PRDX3: variants seen among roughly 807,000 people sequenced by gnomAD.
The protein encoded by PRDX3 is peroxiredoxin 3, also known as thioredoxin-dependent peroxide reductase, mitochondrial.
Under a neutral mutation model 30.4 loss-of-function variants are expected in PRDX3, and 20 were observed. The ratio of observed to expected loss-of-function variants is 0.66; its 90% CI spans 0.46 to 0.96. The LOEUF is 0.96. PRDX3 is among the 40% of genes least tolerant of loss of function. The pLI, the probability that PRDX3 is intolerant of heterozygous loss-of-function variation, is 0.00. For synonymous variants in PRDX3, 124 were observed against 117.8 expected (o/e 1.05, Z -0.34); for missense variants, 322 against 318.3 (o/e 1.01, Z -0.09).
At chr10:119,177,283 A>G in intron 1 of PRDX3, 130 bp from the exon 2 acceptor site, 2 of 852,864 alleles carry the variant, frequency 2.3e-6, no homozygotes, top group Non-Finnish European at 3.7e-6. Flanking sequence ...AAACTCTAAG[A>G]GCATGGATTG....
rs1052669882 is a variant in PRDX3 at position 119,169,253 on chromosome 10, C to A, written c.641G>T (p.Arg214Leu). The change falls in exon 6 of 7, where the codon CGC becomes CTC. Residue 214 changes from arginine to leucine, a missense_variant. By Grantham distance (102) the Arg-to-Leu change is moderately radical (BLOSUM62 -2). Coordinates refer to ENST00000298510, the MANE Select transcript of PRDX3 (RefSeq NM_006793.5). ...PVGRSVEETL[R>L]LVKAFQYVET... ...TACATACTGGAACGCCTTCACCAAGCGGAGGGTTTCTTCCACGCTTCGGCC... is the reference window on the plus strand; with the variant it reads ...TACATACTGGAACGCCTTCACCAAGAGGAGGGTTTCTTCCACGCTTCGGCC... 2.5e-6 allele frequency: 4 copies of A among 1,613,778 alleles called. No homozygotes were observed. The highest frequency in any genetic ancestry group is 3.4e-6 in the Non-Finnish European group (4 of 1,180,004).
rs374024142 is a variant in PRDX3, at chr10:119,178,707, C to T, written c.36+48G>A. Reference sequence around the variant, plus strand: ...GGGTCCTGTCTGAGAAGCACGTTCCCGGAGCCACCAGTGTCTCCACGCCTG... The same window carrying T: ...GGGTCCTGTCTGAGAAGCACGTTCCTGGAGCCACCAGTGTCTCCACGCCTG... On this transcript the variant is annotated intron_variant, in intron 1 of 6. Transcript: ENST00000298510. The T allele has an allele frequency of 1.1e-3, 1,750 of 1,547,170 alleles. 4 individuals are homozygous for T. Among genetic ancestry groups the T allele is most frequent in the Non-Finnish European group, 1.4e-3 (1,582 of 1,143,744 alleles).
At chr10:119,169,952 G>A (rs1202122720) in intron 5 of PRDX3, 1 of 152,324 alleles carries the variant, frequency 6.6e-6, no homozygotes, top group Non-Finnish European at 1.5e-5. Context: ...TGGTGTTACT[G>A]TGACAGATGC....
rs1847968319 is a variant in PRDX3 at position 119,173,866 on chromosome 10, A to G, written c.318T>C (p.Phe106=). The G allele has an allele frequency of 6.2e-7, 1 of 1,602,690 alleles. No homozygotes were observed. The highest frequency in any genetic ancestry group is 1.1e-5 in the South Asian group (1 of 90,272). The change falls in exon 4 of 7, where the codon TTT becomes TTC. Residue 106 remains phenylalanine (F), a synonymous_variant. Coordinates refer to ENST00000298510, the MANE Select transcript of PRDX3 (RefSeq NM_006793.5). ...VLFFYPLDFT[F]VCPTEIVAFS... ...AAGCAACAATTTCTGTAGGACACAC[A>G]AAGGTGCTGGAAAAAAAGGATAGAA... is the stretch of plus-strand genomic sequence containing the variant.
chr10:119,177,782 G>T (rs1436858135), intron 1 of PRDX3, among the ~76,000 whole-genome samples: 3 of 150,760 alleles, frequency 2.0e-5, no homozygotes, highest in Non-Finnish European at 4.4e-5. Flanking sequence ...GTTTTCCTTA[G>T]AAAAACAAGG....
intron 3 of PRDX3, among the ~76,000 whole-genome samples, chr10:119,174,174 C>G (rs1302072856): frequency 6.6e-6 from 1 of 152,150 alleles, no homozygotes; most frequent in Non-Finnish European, 1.5e-5. Context: ...CATTTTTCCC[C>G]AGACCAGTGA....
intron 5 of PRDX3, 68 bp from the exon 6 acceptor site, chr10:119,169,410 T>G: frequency 1.6e-6 from 2 of 1,288,424 alleles, no homozygotes; most frequent in Non-Finnish European, 1.1e-6. Flanking sequence ...ACTTCTTCCC[T>G]TTTAGGTCTT....
intron 5 of PRDX3, among the ~76,000 whole-genome samples, chr10:119,171,932 C>G (rs979479573): frequency 6.6e-6 from 1 of 152,176 alleles, no homozygotes; most frequent in South Asian, 2.1e-4. Flanking sequence ...AGGTGTGTGT[C>G]CCCATGGAAG....
In PRDX3 at chr10:119,173,836, A is replaced by G; in HGVS notation, c.348T>C (p.Ser116=). 6.2e-7 allele frequency: 1 copy of G among 1,611,658 alleles called. No homozygotes were observed. The highest frequency in any genetic ancestry group is 8.5e-7 in the Non-Finnish European group (1 of 1,178,068). Residue 116 remains serine, a synonymous_variant, in exon 4 of 7, where the codon AGT becomes AGC. Transcript: ENST00000298510. ...FVCPTEIVAF[S]DKANEFHDVN... is the part of the protein sequence containing the mutation. ...CGTCGTGAAATTCGTTAGCTTTGTC[A>G]CTAAAAGCAACAATTTCTGTAGGAC...
At position 119,174,627 on chromosome 10, in the gene PRDX3, AT is replaced by A. The variant is rs772938784; in HGVS notation, c.170-36del. The A allele has an allele frequency of 2.6e-6, 4 of 1,542,402 alleles. No homozygotes were observed. The East Asian group carries it at 9.1e-5, about 35-fold the overall frequency. On this transcript the variant is annotated intron_variant, in intron 2 of 6. Transcript: ENST00000298510. ...AACCCACACTCATATGGAGTTCATC[AT>A]TTGCTATGTCAAGCACCTATGATTT...
intron 4 of PRDX3, among the ~76,000 whole-genome samples, chr10:119,172,832 C>T (rs1847940528): frequency 1.3e-5 from 2 of 152,182 alleles, no homozygotes; most frequent in Non-Finnish European, 2.9e-5. Flanking sequence ...GTGATGCAAT[C>T]ACAGCTCACA....
intron 2 of PRDX3, among the ~76,000 whole-genome samples, chr10:119,176,616 G>T (rs908083682): frequency 6.6e-6 from 1 of 152,124 alleles, no homozygotes; most frequent in African/African-American, 2.4e-5. Flanking sequence ...GTGGCCAGCT[G>T]GGGCCATTAC....
chr10:119,172,608 C>A, intron 4 of PRDX3, 123 bp from the exon 5 acceptor site: 1 of 807,622 alleles, frequency 1.2e-6, no homozygotes, highest in South Asian at 1.5e-5. Flanking sequence ...ACGGGCCAAG[C>A]ACTGCTTACT....
intron 2 of PRDX3, 50 bp from the exon 3 acceptor site, chr10:119,174,642 C>A: frequency 6.7e-7 from 1 of 1,498,048 alleles, no homozygotes; most frequent in Non-Finnish European, 8.9e-7. Context: ...CTATGTCAAG[C>A]ACCTATGATT....
intron 1 of PRDX3, among the ~76,000 whole-genome samples, chr10:119,178,226 C>T (rs537853651): frequency 6.6e-6 from 1 of 152,134 alleles, no homozygotes; most frequent in Non-Finnish European, 1.5e-5. Context: ...TTGAACCCCA[C>T]CAGAGAAAGC....
At position 119,173,865 on chromosome 10, in the gene PRDX3, C is replaced by G; in HGVS notation, c.319G>C (p.Val107Leu). 1.9e-6 allele frequency: 3 copies of G among 1,601,500 alleles called. No homozygotes were observed. The highest frequency in any genetic ancestry group is 1.7e-6 in the Non-Finnish European group (2 of 1,171,484). Reference protein sequence around the residue: ...LFFYPLDFTFVCPTEIVAFSD... With the variant: ...LFFYPLDFTFLCPTEIVAFSD... ...AAAGCAACAATTTCTGTAGGACACA[C>G]AAAGGTGCTGGAAAAAAAGGATAGA... The change falls in exon 4 of 7, where the codon GTG (valine) becomes CTG (leucine). Residue 107 changes from valine (V) to leucine (L), a missense_variant. By Grantham distance (32) the Val-to-Leu change is conservative. Coordinates refer to ENST00000298510, the MANE Select transcript of PRDX3 (RefSeq NM_006793.5).
At chr10:119,175,968 G>A (rs945102872) in intron 2 of PRDX3, among the ~76,000 whole-genome samples, 3 of 151,630 alleles carry the variant, frequency 2.0e-5, no homozygotes, top group Non-Finnish European at 4.4e-5. Flanking sequence ...ATTTTTAGTA[G>A]AGACGGGATT....
In PRDX3 at chr10:119,173,643, G is replaced by A. The variant is rs1215146230; in HGVS notation, c.447+94C>T. The A allele has an allele frequency of 7.1e-6, 10 of 1,400,308 alleles. No individual in the cohort carries two copies. The Admixed American group carries it at 7.2e-5, about 10-fold the overall frequency. 86.7% of individuals were successfully genotyped at this position (1,400,308 alleles called of 1,614,324 possible). The stretch of plus-strand genomic sequence containing the variant: ...AAAAAAAAAAAAACCCAACCCTTGC[G>A]TAATTTGATCTTGATAGTCCAGCAG... On this transcript the variant is annotated intron_variant, in intron 4 of 6. Transcript: ENST00000298510.
At chr10:119,169,839 A>G (rs1346906856) in intron 5 of PRDX3, 1 of 153,200 alleles carries the variant, frequency 6.5e-6, no homozygotes, top group Non-Finnish European at 1.5e-5. Flanking sequence ...ACAGGCTCTA[A>G]GTCTATGCAA....
Sources: allele counts gnomAD v4.1 joint callset (sites outside exome capture counted in the v4.1 genomes callset), GRCh38; gene constraint gnomAD v4.1.1; transcripts MANE v1.5; gene names NCBI Gene and HGNC (gene_info 2026-07-23, HGNC 2026-07-21).